The following PCLO variants were observed in gnomAD, a reference collection of about 807,000 sequenced individuals.
PCLO encodes the protein protein piccolo.
PCLO carries 82 observed loss-of-function variants against 427.5 expected under a neutral mutation model. The observed-to-expected ratio is 0.19, with a 90% CI of 0.16 to 0.23. The LOEUF is 0.23. Among genes scored for constraint, PCLO ranks in the 10% least tolerant of loss-of-function variants. The pLI, the probability that PCLO is intolerant of heterozygous loss-of-function variation, is 1.00. For synonymous variants in PCLO, 2,357 were observed against 2,155.4 expected (o/e 1.09, Z -2.59); for missense variants, 6,239 against 6,115.9 (o/e 1.02, Z -0.67).
At chr7:83,006,806 C>T (rs1162295576) in intron 3 of PCLO, among the ~76,000 whole-genome samples, 1 of 151,318 alleles carries the variant, frequency 6.6e-6, no homozygotes, top group East Asian at 1.9e-4. Context: ...GTTTTTATTA[C>T]ACAAAATCAT....
chr7:82,770,516 T>C lies in PCLO; in HGVS notation c.15008-9023A>G, dbSNP rs1402332900. Among the ~76,000 whole-genome samples the C allele has an allele frequency of 3.0e-4, 46 of 152,006 alleles. 2 individuals carry two copies. Among genetic ancestry groups the C allele is most frequent in the Non-Finnish European group, 5.9e-5 (4 of 67,856 alleles). On this transcript the variant is annotated intron_variant, in intron 22 of 24. Transcript: ENST00000333891. ...AACAAAAAACCAATAAGATCTTGTA[T>C]TCAAATATTCAGTAGATTTTAATAG...
intron 3 of PCLO, among the ~76,000 whole-genome samples, chr7:83,054,091 T>C (rs560981341): frequency 6.6e-6 from 1 of 152,098 alleles, no homozygotes; most frequent in Admixed American, 6.5e-5. Context: ...AAATTTTCAA[T>C]AGCCACTGCC....
At chr7:83,098,977 G>T (rs1790664799) in intron 3 of PCLO, among the ~76,000 whole-genome samples, 1 of 151,968 alleles carries the variant, frequency 6.6e-6, no homozygotes, top group African/African-American at 2.4e-5. Context: ...AGAGGAGTGT[G>T]AACAAGGAGT....
intron 3 of PCLO, among the ~76,000 whole-genome samples, chr7:83,031,921 G>A (rs1477923660): frequency 6.6e-6 from 1 of 151,970 alleles, no homozygotes; most frequent in Non-Finnish European, 1.5e-5. Context: ...CCCTTTTCAG[G>A]ACTACCCTTG....
chr7:83,114,664 A>G (rs773409237), intron 3 of PCLO, among the ~76,000 whole-genome samples: 4 of 152,090 alleles, frequency 2.6e-5, no homozygotes, highest in Non-Finnish European at 4.4e-5. Flanking sequence ...ACTATCCTAG[A>G]TTATAAAAGT....
chr7:83,144,874 A>G (rs1388316228), intron 2 of PCLO, among the ~76,000 whole-genome samples: 4 of 152,336 alleles, frequency 2.6e-5, no homozygotes, highest in South Asian at 4.1e-4. Context: ...GTTACGTTGC[A>G]TAAGTAGAAA....
At position 82,816,034 on chromosome 7, in the gene PCLO, T is replaced by C. The variant is rs1458553214; in HGVS notation, c.14791+6461A>G. ...TGTTTTTGGCTTTTTAGTGATTCAT[T>C]ATATATTTACATGTACAGCACAGTA... On this transcript the variant is annotated intron_variant, in intron 20 of 24. Coordinates refer to ENST00000333891, the MANE Select transcript of PCLO (RefSeq NM_033026.6). Among the ~76,000 whole-genome samples the C allele has an allele frequency of 2.6e-5, 4 of 152,094 alleles. No individual in the cohort carries two copies. In the East Asian group the frequency reaches 7.7e-4, roughly 29 times the overall value.
chr7:82,875,020 T>C (rs1793336550), intron 10 of PCLO, among the ~76,000 whole-genome samples: 1 of 152,146 alleles, frequency 6.6e-6, no homozygotes, highest in Non-Finnish European at 1.5e-5. Context: ...TGTCTTCATC[T>C]TTTTTACAGA....
At chr7:82,832,731 T>C (rs1584024788) in intron 16 of PCLO, among the ~76,000 whole-genome samples, 2 of 152,008 alleles carry the variant, frequency 1.3e-5, no homozygotes, top group East Asian at 1.9e-4. Context: ...TCTACTTTCA[T>C]AAAATTATCT....
At chr7:82,830,721 G>A (rs1468240341) in intron 16 of PCLO, among the ~76,000 whole-genome samples, 1 of 151,852 alleles carries the variant, frequency 6.6e-6, no homozygotes, top group Non-Finnish European at 1.5e-5. Context: ...TTAACAAGAT[G>A]GGAATTAATA....
At chr7:82,819,357 G>T (rs1291399506) in intron 20 of PCLO, among the ~76,000 whole-genome samples, 1 of 151,780 alleles carries the variant, frequency 6.6e-6, no homozygotes, top group Non-Finnish European at 1.5e-5. Context: ...TAAATTTTAA[G>T]GACTATGTCT....
intron 22 of PCLO, among the ~76,000 whole-genome samples, chr7:82,800,175 T>G (rs1791313669): frequency 6.6e-6 from 1 of 152,182 alleles, no homozygotes; most frequent in Non-Finnish European, 1.5e-5. Flanking sequence ...ATTTACAATT[T>G]CGAATAGAAC....
At chr7:82,838,701 T>G (rs768601212) in intron 14 of PCLO, among the ~76,000 whole-genome samples, 3 of 151,936 alleles carry the variant, frequency 2.0e-5, no homozygotes, top group Non-Finnish European at 4.4e-5. Flanking sequence ...TCCTAGAATT[T>G]TGAAAAGAAA....
chr7:82,854,135 C>G (rs1038133528), intron 10 of PCLO, among the ~76,000 whole-genome samples: 1 of 152,130 alleles, frequency 6.6e-6, no homozygotes, highest in African/African-American at 2.4e-5. Context: ...TCATGGCCCT[C>G]TCAGTGGCAG....
In PCLO at chr7:82,949,667, C is replaced by T. The variant is rs1384806679; in HGVS notation, c.10921G>A (p.Val3641Ile). The T allele has an allele frequency of 2.5e-6, 4 of 1,613,766 alleles. No homozygotes were observed. The South Asian group carries it at 4.4e-5, about 18-fold the overall frequency. The part of the protein sequence containing the change: ...SPGKALESAF[V>I]PYEKPLPDDI... ...TCAGGGAGGGGTTTTTCATAAGGTA[C>T]AAAGGCTGATTCTAAGGCTTTGCCT... The change falls in exon 6 of 25, where the codon GTA becomes ATA. Residue 3641 changes from valine to isoleucine, a missense_variant. By Grantham distance (29) the Val-to-Ile change is conservative. This residue lies in a region of PCLO where 4,677 missense variants were observed against 4,468.4 expected (regional missense o/e 1.05). Coordinates refer to ENST00000333891, the MANE Select transcript of PCLO (RefSeq NM_033026.6).
At chr7:82,978,171 C>T (rs907381201) in intron 3 of PCLO, among the ~76,000 whole-genome samples, 12 of 149,632 alleles carry the variant, frequency 8.0e-5, no homozygotes, top group African/African-American at 2.2e-4. Flanking sequence ...GACCCCCACC[C>T]CCCCGGCAAA....
intron 3 of PCLO, among the ~76,000 whole-genome samples, chr7:83,005,229 T>C (rs2115950497): frequency 6.6e-6 from 1 of 151,814 alleles, no homozygotes; most frequent in South Asian, 2.1e-4. Flanking sequence ...GGAATATCAT[T>C]CAGCCTTAAA....
At position 83,021,135 on chromosome 7, in the gene PCLO, G is replaced by T. The variant is rs1788332266; in HGVS notation, c.3301-54648C>A. Among the ~76,000 whole-genome samples the T allele has an allele frequency of 1.3e-5, 2 of 152,072 alleles. 1 individual carries two copies. The highest frequency in any genetic ancestry group is 4.1e-4 in the South Asian group (2 of 4,830). On this transcript the variant is annotated intron_variant, in intron 3 of 24. Transcript: ENST00000333891. ...TTATCATCCTTACTCTGACCAAACA[G>T]TGACCTCAATTTTACAGCCCCTCAC... is the stretch of plus-strand genomic sequence containing the variant.
chr7:82,858,863 A>C (rs904758054), intron 10 of PCLO, among the ~76,000 whole-genome samples: 1 of 152,194 alleles, frequency 6.6e-6, no homozygotes, highest in African/African-American at 2.4e-5. Context: ...CAGAAGACTC[A>C]ATATTGTTAA....
Sources: gnomAD v4.1 joint callset for allele counts (sites outside exome capture counted in the v4.1 genomes callset) on GRCh38, gnomAD v4.1.1 for gene constraint, gnomAD v4.1.1 regional missense constraint, MANE v1.5 for transcripts, NCBI Gene and HGNC (gene_info 2026-07-23, HGNC 2026-07-21) for gene names.